The following GCM2 variants were observed in gnomAD, a reference collection of about 807,000 sequenced individuals.
The protein encoded by GCM2 is GCM transcription factor 2.
GCM2 carries 21 observed loss-of-function variants against 24.8 expected under a neutral mutation model. That is an observed-to-expected ratio of 0.85 (90% CI 0.60 to 1.22). The LOEUF (loss-of-function observed/expected upper bound fraction) is 1.22. Among genes scored for constraint, GCM2 ranks in the 50% most tolerant of loss-of-function variants. GCM2 has a pLI of 0.00. For missense variants in GCM2, 532 were observed against 645.6 expected, an observed-to-expected ratio of 0.82 and a Z score of 1.91; for synonymous variants, 222 against 238.0, an observed-to-expected ratio of 0.93 and a Z score of 0.62.
chr6:10,875,062 T>C (rs1432275078), intron 4 of GCM2, 129 bp from the exon 5 acceptor site: 3 of 747,442 alleles, frequency 4.0e-6, no homozygotes, highest in Non-Finnish European at 7.1e-6. Flanking sequence ...AACATGGCAC[T>C]GCTCAGGTAC....
chr6:10,877,538 T>C (rs1779901912), intron 1 of GCM2, 146 bp from the exon 2 acceptor site: 1 of 802,576 alleles, frequency 1.2e-6, no homozygotes, highest in Non-Finnish European at 2.1e-6. Context: ...ACTCTTTCTA[T>C]GTAAGACTTC....
At chr6:10,879,247 A>G (rs1779924384) in intron 1 of GCM2, among the ~76,000 whole-genome samples, 1 of 152,234 alleles carries the variant, frequency 6.6e-6, no homozygotes, top group Non-Finnish European at 1.5e-5. Flanking sequence ...TTAAAAGTGA[A>G]TATTTTAACT....
intron 1 of GCM2, among the ~76,000 whole-genome samples, chr6:10,878,716 T>A (rs1396673370): frequency 6.6e-6 from 1 of 152,216 alleles, no homozygotes; most frequent in African/African-American, 2.4e-5. Flanking sequence ...CAAAGCCATA[T>A]TATGCAATAT....
chr6:10,881,607 T>C (rs1317324470), intron 1 of GCM2, 97 bp downstream of exon 1: 2 of 613,150 alleles, frequency 3.3e-6, no homozygotes, highest in South Asian at 1.5e-5. Flanking sequence ...TGTGTGTGTG[T>C]ATGGTCCGTC....
At chr6:10,881,583 T>C in intron 1 of GCM2, 121 bp downstream of exon 1, 1 of 685,060 alleles carries the variant, frequency 1.5e-6, no homozygotes, top group Non-Finnish European at 2.6e-6. Flanking sequence ...TGTGTGTGTG[T>C]GTGTGTGTGT....
In GCM2 at chr6:10,874,120, C is replaced by T. The variant is rs745544582; in HGVS notation, c.1396G>A (p.Glu466Lys). The stretch of plus-strand genomic sequence containing the variant: ...TCATCTGTCCTAGAGGAAACTGGCT[C>T]GTGGGGAATAGCCACAGTGGGTCTG... ...AIRPTVAIPH[E>K]PVSSRTDEAE... The change falls in exon 5 of 5, where the codon GAG becomes AAG. Residue 466 changes from glutamate to lysine, a missense_variant. Around this residue, in one of 3 missense-constraint regions of GCM2, gnomAD observed 434 missense variants for 521.9 expected, o/e 0.83. Coordinates refer to ENST00000379491, the MANE Select transcript of GCM2 (RefSeq NM_004752.4). 1.8e-5 allele frequency: 29 copies of T among 1,614,186 alleles called. No individual in the cohort carries two copies. Among genetic ancestry groups the T allele is most frequent in the Admixed American group, 3.3e-5 (2 of 60,012 alleles).
Position 10,874,331 on chromosome 6 carries a change from C to T in GCM2, c.1185G>A (p.Gln395=). 1 of 1,613,828 alleles carries T rather than the reference C, an allele frequency of 6.2e-7. No homozygotes were observed. Among genetic ancestry groups the T allele is most frequent in the Non-Finnish European group, 8.5e-7 (1 of 1,179,842 alleles). ...TGTCACTGTATTTCATAGCAGGGGG[C>T]TGGTAGGCCTGGTAGGACACTTTAG... ...TTTKVSYQAY[Q]PPAMKYSDSV... The change falls in exon 5 of 5, where the codon CAG becomes CAA. Residue 395 remains glutamine (Q), a synonymous_variant. Coordinates refer to ENST00000379491, the MANE Select transcript of GCM2 (RefSeq NM_004752.4).
chr6:10,881,886 A>C lies in GCM2; in HGVS notation c.-93T>G. The C allele has an allele frequency of 1.0e-6, 1 of 969,982 alleles. No homozygotes were observed. The allele number at this position is 969,982 out of a possible 1,614,324, so 60.1% of individuals were successfully genotyped here. On this transcript the variant is annotated 5_prime_UTR_variant, in exon 1 of 5. Coordinates refer to ENST00000379491, the MANE Select transcript of GCM2 (RefSeq NM_004752.4). Reference sequence around the variant, plus strand: ...AGGTGGGTTTTTTTTCTTCTCTTTAAAGAAGAAAGTGGGGTGTGTGAAGGG... The same window carrying C: ...AGGTGGGTTTTTTTTCTTCTCTTTACAGAAGAAAGTGGGGTGTGTGAAGGG...
rs752448216 is a variant in GCM2, at chr6:10,874,489, C to G, written c.1027G>C (p.Val343Leu). Residue 343 changes from valine to leucine, a missense_variant, in exon 5 of 5, where the codon GTG becomes CTG. Physicochemically the swap from Val to Leu is conservative, Grantham distance 32. Around this residue, in one of 3 missense-constraint regions of GCM2, gnomAD observed 434 missense variants for 521.9 expected, o/e 0.83. Transcript: ENST00000379491. ...WKPALGKPSL[V>L]ERTNHGQFQA... is the part of the protein sequence containing the mutation. ...AACTGCCCATGGTTAGTCCTTTCCA[C>G]AAGGCTGGGTTTTCCAAGAGCTGGT... 1 of 1,614,080 alleles carries G rather than the reference C, an allele frequency of 6.2e-7. No homozygotes were observed. The highest frequency in any genetic ancestry group is 8.5e-7 in the Non-Finnish European group (1 of 1,180,044).
chr6:10,877,121 C>A lies in GCM2; in HGVS notation c.343+19G>T. ...CTCATGACTCCAAGGTCACCCTCTCCCTGGCCCCATGTCCTCACTCTGCTG... is the reference window on the plus strand; with the variant it reads ...CTCATGACTCCAAGGTCACCCTCTCACTGGCCCCATGTCCTCACTCTGCTG... On this transcript the variant is annotated intron_variant, in intron 2 of 4. Coordinates refer to ENST00000379491, the MANE Select transcript of GCM2 (RefSeq NM_004752.4). 1 of 1,609,106 alleles carries A rather than the reference C, an allele frequency of 6.2e-7. No individual in the cohort carries two copies. Among genetic ancestry groups the A allele is most frequent in the South Asian group, 1.1e-5 (1 of 91,058 alleles).
At position 10,874,355 on chromosome 6, in the gene GCM2, A is replaced by AGTG. The variant is rs142706232; in HGVS notation, c.1158_1160dup (p.Thr387dup). 690 of 1,612,918 alleles carry AGTG rather than the reference A, an allele frequency of 4.3e-4. 5 individuals carry two copies. The African/African-American group carries it at 8.2e-3, about 19-fold the overall frequency. The stretch of plus-strand genomic sequence containing the variant: ...GCTGGTAGGCCTGGTAGGACACTTT[A>AGTG]GTGGTGGTGGTGATCACGGTTTGTA... On this transcript the variant is annotated inframe_insertion, in exon 5 of 5. Transcript: ENST00000379491.
chr6:10,874,313 G>A lies in GCM2; in HGVS notation c.1203C>T (p.Tyr401=). The A allele has an allele frequency of 6.2e-7, 1 of 1,614,208 alleles. No homozygotes were observed. Among genetic ancestry groups the A allele is most frequent in the South Asian group, 1.1e-5 (1 of 91,084 alleles). ...TCTTCACCTCTCGCACACTGTCACT[G>A]TATTTCATAGCAGGGGGCTGGTAGG... is the stretch of plus-strand genomic sequence containing the variant. ...YQAYQPPAMK[Y]SDSVREVKSL... Residue 401 remains tyrosine (Y), a synonymous_variant, in exon 5 of 5, where the codon TAC becomes TAT. Coordinates refer to ENST00000379491, the MANE Select transcript of GCM2 (RefSeq NM_004752.4).
Position 10,874,334 on chromosome 6 carries a change from G to A in GCM2, c.1182C>T (p.Tyr394=). Residue 394 remains tyrosine, a synonymous_variant, in exon 5 of 5, where the codon TAC becomes TAT. Transcript: ENST00000379491. The stretch of plus-strand genomic sequence containing the variant: ...CACTGTATTTCATAGCAGGGGGCTG[G>A]TAGGCCTGGTAGGACACTTTAGTGG... The part of the protein sequence containing the change: ...TTTTKVSYQA[Y]QPPAMKYSDS... 6.2e-7 allele frequency: 1 copy of A among 1,614,210 alleles called. No individual in the cohort carries two copies. Among genetic ancestry groups the A allele is most frequent in the Non-Finnish European group, 8.5e-7 (1 of 1,180,028 alleles).
At chr6:10,877,415 G>A (rs376475531) in intron 1 of GCM2, 23 bp from the exon 2 acceptor site, 22 of 1,613,800 alleles carry the variant, frequency 1.4e-5, no homozygotes, top group Non-Finnish European at 1.8e-5. Context: ...AGAAGGAAGG[G>A]TGGTCAGTCT....
Position 10,881,847 on chromosome 6 carries a change from A to G in GCM2, c.-54T>C. ...AGGGTTCTGAAAAATAGAAGAAAAA[A>G]GGACAGGTGCGCCAGGTGGGTTTTT... On this transcript the variant is annotated 5_prime_UTR_variant, in exon 1 of 5. Coordinates refer to ENST00000379491, the MANE Select transcript of GCM2 (RefSeq NM_004752.4). 2 of 1,436,072 alleles carry G rather than the reference A, an allele frequency of 1.4e-6. No homozygotes were observed. Among genetic ancestry groups the G allele is most frequent in the South Asian group, 2.3e-5 (2 of 87,666 alleles). The allele number at this position is 1,436,072 out of a possible 1,614,324, so 89.0% of individuals were successfully genotyped here.
At position 10,873,979 on chromosome 6, in the gene GCM2, T is replaced by A; in HGVS notation, c.*16A>T. On this transcript the variant is annotated 3_prime_UTR_variant, in exon 5 of 5. Coordinates refer to ENST00000379491, the MANE Select transcript of GCM2 (RefSeq NM_004752.4). ...TGCCTGCATGCACACTGCTATTATGTCCCCTGGATTGTCTTTCAAAAATCC... is the reference window on the plus strand; with the variant it reads ...TGCCTGCATGCACACTGCTATTATGACCCCTGGATTGTCTTTCAAAAATCC... 1 of 1,589,362 alleles carries A rather than the reference T, an allele frequency of 6.3e-7. No homozygotes were observed. Among genetic ancestry groups the A allele is most frequent in the Non-Finnish European group, 8.6e-7 (1 of 1,157,436 alleles).
In GCM2 at chr6:10,874,061, C is replaced by T. The variant is rs750714208; in HGVS notation, c.1455G>A (p.Leu485=). The T allele has an allele frequency of 1.2e-6, 2 of 1,614,070 alleles. No homozygotes were observed. Among genetic ancestry groups the T allele is most frequent in the South Asian group, 2.2e-5 (2 of 91,090 alleles). ...TGTCTGAGTAACTGACTGCGGAGCC[C>T]AGCCCAGACAGACACACATCCCAAG... ...AETWDVCLSG[L]GSAVSYSDRV... is the part of the protein sequence containing the mutation. The change falls in exon 5 of 5, where the codon CTG becomes CTA. Residue 485 remains leucine, a synonymous_variant. Transcript: ENST00000379491.
chr6:10,874,218 G>A lies in GCM2; in HGVS notation c.1298C>T (p.Pro433Leu), dbSNP rs200926987. Residue 433 changes from proline (P) to leucine (L), a missense_variant, in exon 5 of 5, where the codon CCG becomes CTG. Pro to Leu is a moderately conservative substitution (Grantham distance 98). Transcript: ENST00000379491. ...MSVYPEPWGP[P>L]VTVTRAASPS... is the part of the protein sequence containing the mutation. Reference sequence around the variant, plus strand: ...AGAGGCTGCCCTGGTGACTGTCACCGGAGGACCCCAGGGTTCTGGATAGAC... The same window carrying A: ...AGAGGCTGCCCTGGTGACTGTCACCAGAGGACCCCAGGGTTCTGGATAGAC... 135 of 1,614,084 alleles carry A rather than the reference G, an allele frequency of 8.4e-5. No homozygotes were observed. The East Asian group carries it at 2.1e-3, about 25-fold the overall frequency.
chr6:10,876,613 A>G (rs2113247997), intron 2 of GCM2, 56 bp from the exon 3 acceptor site: 1 of 1,198,890 alleles, frequency 8.3e-7, no homozygotes, highest in Non-Finnish European at 1.2e-6. Context: ...TTCTGAAGGA[A>G]GAAGGGGAAA....
Sources: gnomAD v4.1 joint callset for allele counts (sites outside exome capture counted in the v4.1 genomes callset) on GRCh38, gnomAD v4.1.1 for gene constraint, gnomAD v4.1.1 regional missense constraint, MANE v1.5 for transcripts, NCBI Gene and HGNC (gene_info 2026-07-23, HGNC 2026-07-21) for gene names.